The following FMN1 variants were observed in gnomAD, a reference collection of about 807,000 sequenced individuals.
FMN1 encodes the protein formin-1.
In FMN1, 110 loss-of-function variants were observed where a neutral mutation model predicts 132.4. That is an observed-to-expected ratio of 0.83 (90% CI 0.71 to 0.97). The LOEUF (loss-of-function observed/expected upper bound fraction) is 0.97, where lower values mean the gene tolerates loss of function less well. FMN1 is among the 50% of genes least tolerant of loss of function. FMN1 has a pLI of 0.00. For synonymous variants in FMN1, 722 were observed against 651.7 expected (o/e 1.11, Z -1.64); for missense variants, 1,792 against 1,705.3 (o/e 1.05, Z -0.90).
intron 4 of FMN1, among the ~76,000 whole-genome samples, chr15:33,111,113 T>G (rs372023568): frequency 2.0e-5 from 3 of 151,896 alleles, no homozygotes; most frequent in African/African-American, 7.3e-5. Flanking sequence ...TCACAATCTA[T>G]GAGATGATTC....
chr15:33,006,010 C>T (rs918680517), intron 7 of FMN1, among the ~76,000 whole-genome samples: 2 of 152,138 alleles, frequency 1.3e-5, no homozygotes, highest in Non-Finnish European at 2.9e-5. Flanking sequence ...ATGGGTAGGG[C>T]TTGAATTCAT....
intron 17 of FMN1, among the ~76,000 whole-genome samples, chr15:32,818,570 A>G (rs1429606177): frequency 6.6e-6 from 1 of 152,352 alleles, no homozygotes; most frequent in Non-Finnish European, 1.5e-5. Context: ...AATGTTTTAC[A>G]TGGCTACCAG....
At chr15:33,053,083 G>A (rs1036161928) in intron 6 of FMN1, among the ~76,000 whole-genome samples, 1 of 152,062 alleles carries the variant, frequency 6.6e-6, no homozygotes, top group Non-Finnish European at 1.5e-5. Context: ...TCAATCGTCA[G>A]TGTGACCTCA....
chr15:32,849,280 C>T (rs546003051), intron 17 of FMN1, among the ~76,000 whole-genome samples: 1 of 151,858 alleles, frequency 6.6e-6, no homozygotes, highest in East Asian at 1.9e-4. Context: ...CGTGAGCCAC[C>T]GCGCCCGGCC....
chr15:32,915,335 C>A (rs138790072), intron 10 of FMN1, among the ~76,000 whole-genome samples: 2 of 152,144 alleles, frequency 1.3e-5, no homozygotes, highest in African/African-American at 4.8e-5. Flanking sequence ...GAATGCTCTC[C>A]GATTAAGTCA....
intron 4 of FMN1, among the ~76,000 whole-genome samples, chr15:33,134,022 T>C (rs1212914360): frequency 6.6e-6 from 1 of 152,168 alleles, no homozygotes; most frequent in Non-Finnish European, 1.5e-5. Context: ...GGCACAGTCA[T>C]CGCTCACTGC....
At chr15:32,987,317 G>C (rs1359035051) in intron 7 of FMN1, among the ~76,000 whole-genome samples, 2 of 152,122 alleles carry the variant, frequency 1.3e-5, no homozygotes, top group Non-Finnish European at 2.9e-5. Flanking sequence ...TACAAGAGAT[G>C]ACATGCTTGT....
intron 3 of FMN1, among the ~76,000 whole-genome samples, chr15:33,165,889 T>C (rs993169312): frequency 3.9e-4 from 59 of 152,224 alleles, no homozygotes; most frequent in Admixed American, 4.6e-4. Context: ...ACTTCCCTGA[T>C]AGCCACATCT....
At chr15:32,969,974 G>T (rs28631220) in intron 7 of FMN1, among the ~76,000 whole-genome samples, 25 of 152,188 alleles carry the variant, frequency 1.6e-4, no homozygotes, top group Non-Finnish European at 2.9e-4. Flanking sequence ...GACACAGAAA[G>T]CAAGGGAAGA....
intron 16 of FMN1, among the ~76,000 whole-genome samples, chr15:32,865,022 T>C (rs1341220397): frequency 6.6e-6 from 1 of 152,154 alleles, no homozygotes; most frequent in Non-Finnish European, 1.5e-5. Context: ...ACATATCCTA[T>C]GATTCTACTC....
At chr15:32,992,964 A>G (rs1356825329) in intron 7 of FMN1, among the ~76,000 whole-genome samples, 1 of 152,156 alleles carries the variant, frequency 6.6e-6, no homozygotes, top group Non-Finnish European at 1.5e-5. Flanking sequence ...AAGATGAAAC[A>G]TTTCTCGCCA....
chr15:33,179,900 T>C (rs1218435588), intron 3 of FMN1, among the ~76,000 whole-genome samples: 1 of 152,212 alleles, frequency 6.6e-6, no homozygotes, highest in African/African-American at 2.4e-5. Flanking sequence ...AAAAGTCTTC[T>C]GCCTTGAGTG....
chr15:32,950,626 G>A (rs965641197), intron 9 of FMN1, among the ~76,000 whole-genome samples: 2 of 152,250 alleles, frequency 1.3e-5, no homozygotes, highest in East Asian at 3.9e-4. Flanking sequence ...CTTGTAAGTG[G>A]GAGTTAAATG....
chr15:32,818,073 C>G (rs1395733599), intron 17 of FMN1, among the ~76,000 whole-genome samples: 1 of 152,074 alleles, frequency 6.6e-6, no homozygotes, highest in African/African-American at 2.4e-5. Context: ...TTTCTCTGAG[C>G]AATGGCCACT....
At chr15:32,977,925 C>T (rs2032344682) in intron 7 of FMN1, among the ~76,000 whole-genome samples, 3 of 151,218 alleles carry the variant, frequency 2.0e-5, no homozygotes, top group Middle Eastern at 6.8e-3. Flanking sequence ...GGCACAATCT[C>T]GGCTCACTGC....
chr15:32,959,233 T>C (rs1165375548), intron 9 of FMN1, among the ~76,000 whole-genome samples: 1 of 152,134 alleles, frequency 6.6e-6, no homozygotes, highest in Non-Finnish European at 1.5e-5. Flanking sequence ...CATTCCATGA[T>C]CCAGCTGAAG....
In FMN1 at chr15:32,857,115, G is replaced by A; in HGVS notation, c.3836-8C>T. 6.2e-7 allele frequency: 1 copy of A among 1,604,790 alleles called. No homozygotes were observed. The highest frequency in any genetic ancestry group is 1.1e-5 in the South Asian group (1 of 90,904). ...CCATCTGTTTCTCACTTGCTGTGAAGAGAAATTTAGAATTAGACTTAGGAA... is the reference window on the plus strand; with the variant it reads ...CCATCTGTTTCTCACTTGCTGTGAAAAGAAATTTAGAATTAGACTTAGGAA... On this transcript the variant is annotated splice_polypyrimidine_tract_variant and splice_region_variant and intron_variant, in intron 16 of 20. Transcript: ENST00000616417.
chr15:33,151,502 T>G, intron 4 of FMN1: 1 of 941,330 alleles, frequency 1.1e-6, no homozygotes, highest in Non-Finnish European at 1.6e-6. Context: ...CTGAATGTGC[T>G]CTGTGTGCCT....
At chr15:32,961,124 G>A (rs1221091344) in intron 9 of FMN1, among the ~76,000 whole-genome samples, 1 of 150,456 alleles carries the variant, frequency 6.6e-6, no homozygotes, top group Non-Finnish European at 1.5e-5. Flanking sequence ...GGTAGATTCA[G>A]ATATTGTTCA....
Sources: allele counts gnomAD v4.1 joint callset (sites outside exome capture counted in the v4.1 genomes callset), GRCh38; gene constraint gnomAD v4.1.1; transcripts MANE v1.5; gene names NCBI Gene and HGNC (gene_info 2026-07-23, HGNC 2026-07-21).